The following SEPSECS variants were observed in gnomAD, a reference collection of about 807,000 sequenced individuals.
SEPSECS encodes O-phosphoseryl-tRNA(Sec) selenium transferase.
A neutral mutation model predicts 52.1 loss-of-function variants in SEPSECS; 42 were observed. That is an observed-to-expected ratio of 0.81 (90% CI 0.63 to 1.04). SEPSECS has a LOEUF of 1.04. Among genes scored for constraint, SEPSECS ranks in the 50% least tolerant of loss-of-function variants. SEPSECS has a pLI of 0.00. For missense variants in SEPSECS, 590 were observed against 610.6 expected (o/e 0.97, Z 0.36); for synonymous variants, 216 against 211.4 (o/e 1.02, Z -0.19).
At chr4:25,159,648 T>G (rs1195051516) in intron 1 of SEPSECS, 1 of 356,108 alleles carries the variant, frequency 2.8e-6, no homozygotes, top group South Asian at 2.1e-5. Context: ...GGCGGGCGCC[T>G]GTAGTCCCAG....
At chr4:25,156,427 G>A (rs987389231) in intron 3 of SEPSECS, among the ~76,000 whole-genome samples, 30 of 151,750 alleles carry the variant, frequency 2.0e-4, no homozygotes, top group African/African-American at 5.8e-4. Context: ...CTTTTCGGCC[G>A]GGCGCGGTGG....
chr4:25,132,879 C>T (rs1006347955), intron 8 of SEPSECS, among the ~76,000 whole-genome samples: 3 of 152,130 alleles, frequency 2.0e-5, no homozygotes, highest in South Asian at 2.1e-4. Context: ...AGACGGAAAG[C>T]GCACAGACTT....
In SEPSECS at chr4:25,156,932, C is replaced by A; in HGVS notation, c.312G>T (p.Val104=). 6.2e-7 allele frequency: 1 copy of A among 1,613,370 alleles called. No homozygotes were observed. Among genetic ancestry groups the A allele is most frequent in the East Asian group, 2.2e-5 (1 of 44,868 alleles). The change falls in exon 3 of 11, where the codon GTG becomes GTT. Residue 104 remains valine, a synonymous_variant. Transcript: ENST00000382103. ...GGCTAGAGCCTGCAGCTTTTGGTTG[C>A]ACAGCAGAAATATCACCGGATCGTC... The part of the protein sequence containing the change: ...GIGRSGDISA[V]QPKAAGSSLL...
chr4:25,142,633 C>T (rs191283322), intron 8 of SEPSECS, among the ~76,000 whole-genome samples: 2 of 152,118 alleles, frequency 1.3e-5, no homozygotes, highest in African/African-American at 2.4e-5. Context: ...CTTTAGACTA[C>T]GCTATTTTAA....
In SEPSECS at chr4:25,125,763, T is replaced by C; in HGVS notation, c.1142A>G (p.Asp381Gly). 6.2e-7 allele frequency: 1 copy of C among 1,612,666 alleles called. No homozygotes were observed. Among genetic ancestry groups the C allele is most frequent in the South Asian group, 1.1e-5 (1 of 90,902 alleles). ...ISLAMTLKTL[D>G]EHRDKAVTQL... ...AGTGACAGCTTTGTCACGGTGTTCATCTAGTGTTTTAAGTGTCATAGCTGA... is the reference window on the plus strand; with the variant it reads ...AGTGACAGCTTTGTCACGGTGTTCACCTAGTGTTTTAAGTGTCATAGCTGA... Residue 381 changes from aspartate (D) to glycine (G), a missense_variant, in exon 10 of 11, where the codon GAT becomes GGT. Coordinates refer to ENST00000382103, the MANE Select transcript of SEPSECS (RefSeq NM_016955.4).
intron 8 of SEPSECS, among the ~76,000 whole-genome samples, chr4:25,140,578 A>C (rs1729020870): frequency 6.6e-6 from 1 of 152,206 alleles, no homozygotes; most frequent in Non-Finnish European, 1.5e-5. Context: ...CCTCATAAGA[A>C]TATTTTAAGG....
chr4:25,144,739 A>C (rs765666120), intron 8 of SEPSECS, 35 bp downstream of exon 8: 9 of 1,437,960 alleles, frequency 6.3e-6, no homozygotes, highest in Admixed American at 3.4e-5. Context: ...AGTTCTAGTC[A>C]AGAATGTTAT....
intron 4 of SEPSECS, 71 bp downstream of exon 4, chr4:25,155,966 C>A: frequency 7.2e-7 from 1 of 1,388,860 alleles, no homozygotes; most frequent in Non-Finnish European, 1.0e-6. Flanking sequence ...TTTCATTTAT[C>A]TATCTTTATA....
At chr4:25,159,925 A>G in intron 1 of SEPSECS, 1 of 985,394 alleles carries the variant, frequency 1.0e-6, no homozygotes, top group Non-Finnish European at 1.2e-6. Context: ...AGGGTTGGTG[A>G]AAGATGGAGG....
At chr4:25,126,554 T>C (rs1213947040) in intron 9 of SEPSECS, among the ~76,000 whole-genome samples, 3 of 152,316 alleles carry the variant, frequency 2.0e-5, no homozygotes, top group African/African-American at 7.2e-5. Context: ...ATATTACATA[T>C]ATTCACAATT....
chr4:25,154,299 A>G (rs1712483187), intron 5 of SEPSECS, among the ~76,000 whole-genome samples: 1 of 152,178 alleles, frequency 6.6e-6, no homozygotes, highest in African/African-American at 2.4e-5. Context: ...TGATGCTACA[A>G]GAAAAGCCCA....
chr4:25,127,215 C>T (rs756799526), intron 9 of SEPSECS, 49 bp downstream of exon 9: 1 of 1,183,536 alleles, frequency 8.4e-7, no homozygotes, highest in South Asian at 1.2e-5. Flanking sequence ...CAGCTTCCTC[C>T]TAGAGTGGAT....
rs1728183872 is a variant in SEPSECS at position 25,122,846 on chromosome 4, C to A, written c.*1085G>T. On this transcript the variant is annotated 3_prime_UTR_variant, in exon 11 of 11. Coordinates refer to ENST00000382103, the MANE Select transcript of SEPSECS (RefSeq NM_016955.4). ...AGACTCAGAAAAATGAGCACATGGG[C>A]AAGTAGAGGGGAATACACCTGTTTA... 6.6e-6 allele frequency: 1 copy of A among 152,086 alleles called. No individual in the cohort carries two copies. The highest frequency in any genetic ancestry group is 1.5e-5 in the Non-Finnish European group (1 of 67,990). 9.4% of individuals were successfully genotyped at this position (152,086 alleles called of 1,614,324 possible).
At chr4:25,143,036 C>T (rs1322755883) in intron 8 of SEPSECS, among the ~76,000 whole-genome samples, 1 of 152,146 alleles carries the variant, frequency 6.6e-6, no homozygotes, top group East Asian at 1.9e-4. Flanking sequence ...ACAAGTTTTC[C>T]TCATCTATAG....
chr4:25,154,658 C>G (rs956749615), intron 5 of SEPSECS, among the ~76,000 whole-genome samples: 7 of 151,628 alleles, frequency 4.6e-5, no homozygotes, highest in African/African-American at 1.5e-4. Context: ...AAGAAGTAAA[C>G]CCAACATTTA....
intron 8 of SEPSECS, among the ~76,000 whole-genome samples, chr4:25,129,320 T>C (rs1487762388): frequency 6.6e-6 from 1 of 152,022 alleles, no homozygotes; most frequent in Admixed American, 6.6e-5. Context: ...CATCTTTTCT[T>C]AGACATATAA....
chr4:25,159,420 G>A (rs1341454085), intron 1 of SEPSECS: 1 of 353,890 alleles, frequency 2.8e-6, no homozygotes, highest in African/African-American at 2.2e-5. Context: ...CTTCAAACCA[G>A]GGCGTTACGA....
At chr4:25,143,074 T>C (rs998575527) in intron 8 of SEPSECS, among the ~76,000 whole-genome samples, 5 of 152,326 alleles carry the variant, frequency 3.3e-5, no homozygotes, top group African/African-American at 1.2e-4. Context: ...TATGGATCTG[T>C]TTTCTTGAAA....
At chr4:25,140,932 A>AT (rs1729039731) in intron 8 of SEPSECS, among the ~76,000 whole-genome samples, 1 of 151,352 alleles carries the variant, frequency 6.6e-6, no homozygotes. Context: ...AAAAAAAAAA[A>AT]TTGCATCTGT....
Sources: gnomAD v4.1 joint callset for allele counts (sites outside exome capture counted in the v4.1 genomes callset) on GRCh38, gnomAD v4.1.1 for gene constraint, MANE v1.5 for transcripts, NCBI Gene and HGNC (gene_info 2026-07-23, HGNC 2026-07-21) for gene names.